ZNF500: variants seen among roughly 807,000 people sequenced by gnomAD.
ZNF500 encodes the protein zinc finger protein 500, also known as zinc finger protein with KRAB and SCAN domains 18.
A neutral mutation model predicts 30.1 loss-of-function variants in ZNF500; 31 were observed. That is an observed-to-expected ratio of 1.03 (90% CI 0.77 to 1.39). The LOEUF is 1.39. Ranked by LOEUF, ZNF500 falls within the 40% of genes most tolerant of loss-of-function variation. ZNF500 has a pLI of 0.00. For synonymous variants in ZNF500, 392 were observed against 282.0 expected, an observed-to-expected ratio of 1.39 and a Z score of -3.91; for missense variants, 817 against 657.8, an observed-to-expected ratio of 1.24 and a Z score of -2.65.
In ZNF500 at chr16:4,752,159, G is replaced by A; in HGVS notation, c.*217C>T. On this transcript the variant is annotated 3_prime_UTR_variant, in exon 6 of 6. Coordinates refer to ENST00000219478, the MANE Select transcript of ZNF500 (RefSeq NM_021646.4). ...CTGCTCTGTGTCACCTGTTCTGGCT[G>A]CCACTGGACACTCAGAGCCTGTCCT... The A allele has an allele frequency of 7.2e-7, 1 of 1,382,000 alleles. No homozygotes were observed. Among genetic ancestry groups the A allele is most frequent in the South Asian group, 1.9e-5 (1 of 52,414 alleles). The allele number at this position is 1,382,000 out of a possible 1,614,324, so 85.6% of individuals were successfully genotyped here.
downstream of ZNF500, chr16:4,746,581 C>T: frequency 1.3e-6 from 2 of 1,519,840 alleles, no homozygotes; most frequent in African/African-American, 1.4e-5. Context: ...CGCACAGAGC[C>T]TCTGGTGGAT....
downstream of ZNF500, chr16:4,747,142 G>T: frequency 8.2e-7 from 1 of 1,219,176 alleles, no homozygotes; most frequent in South Asian, 1.5e-5. Flanking sequence ...CCACCGCACA[G>T]GGTGAGGGGG....
At position 4,765,661 on chromosome 16, in the gene ZNF500, G is replaced by A. The variant is rs774327023; in HGVS notation, c.318C>T (p.Ile106=). ...EQFLTVLPGE[I]QARVREQQPE... is the part of the protein sequence containing the mutation. ...GCTGCTGCTCGCGTACCCGAGCCTG[G>A]ATCTCCCCCGGCAGCACAGTCAGGA... The change falls in exon 2 of 6, where the codon ATC becomes ATT. Residue 106 remains isoleucine, a synonymous_variant. Coordinates refer to ENST00000219478, the MANE Select transcript of ZNF500 (RefSeq NM_021646.4). 1.2e-6 allele frequency: 2 copies of A among 1,613,656 alleles called. No homozygotes were observed. Among genetic ancestry groups the A allele is most frequent in the Non-Finnish European group, 1.7e-6 (2 of 1,179,986 alleles).
In ZNF500 at chr16:4,760,530, A is replaced by C. The variant is rs1739105334; in HGVS notation, c.722T>G (p.Met241Arg). ...VYLSGEEPRC[M>R]DPAQRDAPLE... Reference sequence around the variant, plus strand: ...CGGCGCGTCCCGCTGAGCTGGGTCCATGCATCTTGGCTCCTCCCCAGAAAG... The same window carrying C: ...CGGCGCGTCCCGCTGAGCTGGGTCCCTGCATCTTGGCTCCTCCCCAGAAAG... Residue 241 changes from methionine to arginine, a missense_variant, in exon 5 of 6, where the codon ATG (methionine) becomes AGG (arginine). Physicochemically the swap from Met to Arg is moderately conservative, Grantham distance 91. Transcript: ENST00000219478. 3 of 1,613,668 alleles carry C rather than the reference A, an allele frequency of 1.9e-6. No homozygotes were observed. The Admixed American group carries it at 5.0e-5, about 27-fold the overall frequency.
chr16:4,755,544 T>C (rs1201226444), intron 5 of ZNF500, among the ~76,000 whole-genome samples: 3 of 152,128 alleles, frequency 2.0e-5, no homozygotes, highest in Non-Finnish European at 4.4e-5. Context: ...CTCGAACTCC[T>C]GACCTCAGGT....
At position 4,767,097 on chromosome 16, in the gene ZNF500, G is replaced by A. The variant is rs2082271777; in HGVS notation, c.-179C>T. On this transcript the variant is annotated 5_prime_UTR_variant, in exon 1 of 6. Transcript: ENST00000219478. ...GCGGGAGTAGGACTGCGGGCCTCAG[G>A]CTTGGCAGCCAGGGACGCCAGAGCC... 6.6e-6 allele frequency: 1 copy of A among 152,358 alleles called. No homozygotes were observed. The highest frequency in any genetic ancestry group is 1.5e-5 in the Non-Finnish European group (1 of 68,128). The allele number at this position is 152,358 out of a possible 1,614,324, so 9.4% of individuals were successfully genotyped here.
At chr16:4,747,120 G>A, downstream of ZNF500, 1 of 1,302,814 alleles carries the variant, frequency 7.7e-7, no homozygotes, top group Non-Finnish European at 1.0e-6. Flanking sequence ...CTGTGGTGAG[G>A]TCTTGCTGCA....
downstream of ZNF500, chr16:4,744,784 A>C: frequency 6.8e-7 from 1 of 1,463,442 alleles, no homozygotes; most frequent in Non-Finnish European, 9.3e-7. Context: ...ACATGTGGAG[A>C]CCCCAGGGGT....
At chr16:4,764,070 ACTC>A in intron 2 of ZNF500, 1 of 985,314 alleles carries the variant, frequency 1.0e-6, no homozygotes, top group Non-Finnish European at 1.2e-6. Flanking sequence ...GGCTTCCTCT[ACTC>A]CTTCAAATGG....
At chr16:4,748,198 C>A (rs2082042448), downstream of ZNF500, 1 of 150,696 alleles carries the variant, frequency 6.6e-6, no homozygotes, top group African/African-American at 2.4e-5. Context: ...ACTACAGGTG[C>A]ACACCACCAT....
At chr16:4,745,396 A>G (rs747014096), downstream of ZNF500, among the ~76,000 whole-genome samples, 4 of 152,042 alleles carry the variant, frequency 2.6e-5, no homozygotes, top group Non-Finnish European at 5.9e-5. Flanking sequence ...CAGCTGCGGG[A>G]TTTTTCAATC....
At chr16:4,746,478 C>T (rs1448437647), downstream of ZNF500, 4 of 1,613,622 alleles carry the variant, frequency 2.5e-6, no homozygotes, top group East Asian at 4.5e-5. Context: ...TGACCTGCGG[C>T]AGATGGAGCT....
intron 5 of ZNF500, 132 bp downstream of exon 5, chr16:4,760,360 G>C (rs1039893627): frequency 2.5e-5 from 19 of 762,416 alleles, no homozygotes; most frequent in African/African-American, 3.5e-5. Flanking sequence ...GACTCTGCAG[G>C]GATACGGGTA....
downstream of ZNF500, chr16:4,746,595 G>A (rs150128579): frequency 3.4e-6 from 5 of 1,455,062 alleles, no homozygotes; most frequent in East Asian, 2.3e-5. Flanking sequence ...GGTGGATCCT[G>A]ATGGGGAGGA....
At chr16:4,760,643 A>T (rs181455699) in intron 4 of ZNF500, 55 bp from the exon 5 acceptor site, 8 of 1,497,188 alleles carry the variant, frequency 5.3e-6, no homozygotes, top group Non-Finnish European at 7.4e-6. Flanking sequence ...CTCCTCCCCA[A>T]CTAAGGCCAC....
At chr16:4,745,452 G>A (rs1404620305), downstream of ZNF500, among the ~76,000 whole-genome samples, 1 of 152,214 alleles carries the variant, frequency 6.6e-6, no homozygotes, top group Admixed American at 6.5e-5. Context: ...CACCTGTCCT[G>A]CCACAGGGAG....
At chr16:4,758,940 T>C (rs1447965512) in intron 5 of ZNF500, among the ~76,000 whole-genome samples, 1 of 152,198 alleles carries the variant, frequency 6.6e-6, no homozygotes, top group Non-Finnish European at 1.5e-5. Flanking sequence ...CCAGGTGCGG[T>C]AGCTCACGCC....
intron 2 of ZNF500, chr16:4,763,574 C>T: frequency 1.0e-6 from 1 of 985,408 alleles, no homozygotes; most frequent in Non-Finnish European, 1.2e-6. Context: ...GCGTCAGGGA[C>T]CCATCTCAGG....
In ZNF500 at chr16:4,751,452, C is replaced by A; in HGVS notation, c.*924G>T. ...GGAAGATGGAACTCAGGGGTGCTTT[C>A]CCGCCCCAGGTGTCTTCCGCCCTGC... On this transcript the variant is annotated 3_prime_UTR_variant, in exon 6 of 6. Coordinates refer to ENST00000219478, the MANE Select transcript of ZNF500 (RefSeq NM_021646.4). 1 of 929,898 alleles carries A rather than the reference C, an allele frequency of 1.1e-6. No homozygotes were observed. The highest frequency in any genetic ancestry group is 1.6e-6 in the Non-Finnish European group (1 of 642,518). The allele number at this position is 929,898 out of a possible 1,614,324, so 57.6% of individuals were successfully genotyped here.
Sources: allele counts gnomAD v4.1 joint callset (sites outside exome capture counted in the v4.1 genomes callset), GRCh38; gene constraint gnomAD v4.1.1; transcripts MANE v1.5; gene names NCBI Gene and HGNC (gene_info 2026-07-23, HGNC 2026-07-21).